The following ZC3HAV1 variants were observed in gnomAD, a reference collection of about 807,000 sequenced individuals.
ZC3HAV1 encodes the protein zinc finger CCCH-type containing, antiviral 1.
In ZC3HAV1, 41 loss-of-function variants were observed where a neutral mutation model predicts 86.6. That is an observed-to-expected ratio of 0.47 (90% CI 0.37 to 0.61). The LOEUF is 0.61. Ranked by LOEUF, ZC3HAV1 falls within the 20% of genes least tolerant of loss-of-function variation. The pLI, the probability that ZC3HAV1 is intolerant of heterozygous loss-of-function variation, is 0.00. For missense variants in ZC3HAV1, 964 were observed against 1,141.1 expected (o/e 0.84, Z 2.24); for synonymous variants, 421 against 432.1 (o/e 0.97, Z 0.32).
At chr7:139,101,835 T>G (rs1817782229) in intron 1 of ZC3HAV1, among the ~76,000 whole-genome samples, 1 of 151,776 alleles carries the variant, frequency 6.6e-6, no homozygotes, top group Non-Finnish European at 1.5e-5. Context: ...TCATCACCAC[T>G]CCCTAATCTC....
chr7:139,087,387 G>T (rs1584864387), intron 2 of ZC3HAV1, among the ~76,000 whole-genome samples: 1 of 151,290 alleles, frequency 6.6e-6, no homozygotes, highest in Admixed American at 6.6e-5. Flanking sequence ...GAAAGAGGGA[G>T]AGAGAGAGAG....
At chr7:139,053,866 AACT>A in intron 11 of ZC3HAV1, 96 bp downstream of exon 11, 1 of 1,401,320 alleles carries the variant, frequency 7.1e-7, no homozygotes, top group Non-Finnish European at 9.6e-7. Flanking sequence ...AGGAACTGTT[AACT>A]ACTAAAATAA....
chr7:139,099,354 C>A (rs545714025), intron 1 of ZC3HAV1, among the ~76,000 whole-genome samples: 1 of 152,302 alleles, frequency 6.6e-6, no homozygotes, highest in Admixed American at 6.5e-5. Flanking sequence ...AGGAAGATTT[C>A]TCCTAGATGA....
At chr7:139,105,959 AT>A (rs1236362708) in intron 1 of ZC3HAV1, among the ~76,000 whole-genome samples, 1 of 152,206 alleles carries the variant, frequency 6.6e-6, no homozygotes, top group Non-Finnish European at 1.5e-5. Context: ...CACTTTATAC[AT>A]TAATAGATTA....
intron 10 of ZC3HAV1, 104 bp downstream of exon 10, chr7:139,055,101 T>C (rs1213738830): frequency 1.9e-6 from 2 of 1,047,144 alleles, no homozygotes; most frequent in Non-Finnish European, 2.8e-6. Context: ...ATCTAAGAGT[T>C]TTGCGGGAGC....
intron 2 of ZC3HAV1, among the ~76,000 whole-genome samples, chr7:139,089,391 C>A (rs1286680062): frequency 6.6e-6 from 1 of 152,140 alleles, no homozygotes; most frequent in African/African-American, 2.4e-5. Flanking sequence ...TACTTACTCA[C>A]ACAGGGTTCC....
At chr7:139,106,657 T>A (rs560972136) in intron 1 of ZC3HAV1, among the ~76,000 whole-genome samples, 1 of 152,266 alleles carries the variant, frequency 6.6e-6, no homozygotes, top group East Asian at 1.9e-4. Context: ...TGTATCCTTT[T>A]CCCTGAAAAT....
chr7:139,074,487 G>A (rs1445153286), intron 6 of ZC3HAV1, among the ~76,000 whole-genome samples: 1 of 152,020 alleles, frequency 6.6e-6, no homozygotes, highest in Non-Finnish European at 1.5e-5. Context: ...AGGAATACAC[G>A]ATGAAATTTT....
intron 1 of ZC3HAV1, among the ~76,000 whole-genome samples, chr7:139,094,953 A>T (rs995497484): frequency 4.0e-5 from 6 of 151,818 alleles, no homozygotes; most frequent in Admixed American, 6.6e-5. Flanking sequence ...CTCAACAGTC[A>T]GACCAAAAAG....
chr7:139,076,427 G>T lies in ZC3HAV1; in HGVS notation c.1574-18C>A. ...GCAGCTACCTACAAAGACAAAGAAG[G>T]GGTCTGAGGGACTGTTGAGCAGGGA... On this transcript the variant is annotated intron_variant, in intron 5 of 12. Coordinates refer to ENST00000242351, the MANE Select transcript of ZC3HAV1 (RefSeq NM_020119.4). 6.2e-7 allele frequency: 1 copy of T among 1,613,596 alleles called. No individual in the cohort carries two copies. Among genetic ancestry groups the T allele is most frequent in the Non-Finnish European group, 8.5e-7 (1 of 1,179,842 alleles).
intron 1 of ZC3HAV1, among the ~76,000 whole-genome samples, chr7:139,103,860 T>G (rs750897869): frequency 6.6e-6 from 1 of 152,182 alleles, no homozygotes; most frequent in Non-Finnish European, 1.5e-5. Context: ...AAACACAGCA[T>G]TGAATAAAAA....
At position 139,047,441 on chromosome 7, in the gene ZC3HAV1, A is replaced by G. The variant is rs758275503; in HGVS notation, c.*153T>C. 1.3e-5 allele frequency: 13 copies of G among 1,033,346 alleles called. No homozygotes were observed. Among genetic ancestry groups the G allele is most frequent in the Non-Finnish European group, 1.7e-5 (12 of 715,816 alleles). 64.0% of individuals were successfully genotyped at this position (1,033,346 alleles called of 1,614,324 possible). A position where few individuals can be genotyped will look rare whatever the true frequency, so the allele number is the denominator to read the frequency against. On this transcript the variant is annotated 3_prime_UTR_variant, in exon 13 of 13. Coordinates refer to ENST00000242351, the MANE Select transcript of ZC3HAV1 (RefSeq NM_020119.4). ...GAATTTGTTTAAAACCTCCCAGATG[A>G]TTCTAATATGTAGCAAAATTTGGGG...
chr7:139,109,651 G>A lies in ZC3HAV1; in HGVS notation c.-320C>T. 3.6e-6 allele frequency: 1 copy of A among 279,998 alleles called. No homozygotes were observed. Among genetic ancestry groups the A allele is most frequent in the Non-Finnish European group, 6.7e-6 (1 of 148,468 alleles). 17.3% of individuals were successfully genotyped at this position (279,998 alleles called of 1,614,324 possible). A position where few individuals can be genotyped will look rare whatever the true frequency, so the allele number is the denominator to read the frequency against. On this transcript the variant is annotated 5_prime_UTR_variant, in exon 1 of 13. Transcript: ENST00000242351. ...CTGGGGTGGCCCCCTCTCGGTTCTA[G>A]GCTCGGCGAGGGTGAGGTTCTCCAG... is the stretch of plus-strand genomic sequence containing the variant.
chr7:139,083,920 T>G lies in ZC3HAV1; in HGVS notation c.557A>C (p.Asn186Thr), dbSNP rs752393493. ...CATCAGGTTATGGGACCGGAGGCAG[T>G]TGGGAAAACGACAGTTCCCTCGGGT... ...HFTRGNCRFP[N>T]CLRSHNLMDR... Residue 186 changes from asparagine to threonine, a missense_variant, in exon 3 of 13, where the codon AAC becomes ACC. Asn to Thr is a moderately conservative substitution (Grantham distance 65, BLOSUM62 0). Transcript: ENST00000242351. The G allele has an allele frequency of 6.2e-7, 1 of 1,614,060 alleles. No individual in the cohort carries two copies. The highest frequency in any genetic ancestry group is 8.5e-7 in the Non-Finnish European group (1 of 1,180,020).
intron 1 of ZC3HAV1, among the ~76,000 whole-genome samples, chr7:139,108,000 A>G (rs545507153): frequency 6.6e-6 from 1 of 152,282 alleles, no homozygotes; most frequent in East Asian, 1.9e-4. Flanking sequence ...AGGGAAAGAG[A>G]CTTCACAAAA....
chr7:139,064,775 T>A, intron 8 of ZC3HAV1, 104 bp downstream of exon 8: 1 of 1,569,350 alleles, frequency 6.4e-7, no homozygotes, highest in South Asian at 1.2e-5. Context: ...AATCTTGACC[T>A]TGACCCTGGC....
rs1815979759 is a variant in ZC3HAV1, at chr7:139,047,191, C to T, written c.*403G>A. On this transcript the variant is annotated 3_prime_UTR_variant, in exon 13 of 13. Transcript: ENST00000242351. ...AAAAATACAAAAAATTAGCTGGGCG[C>T]GGCAGTGTGTGCCTGTAGTTCCAGC... The T allele has an allele frequency of 2.7e-5, 6 of 221,924 alleles. No individual in the cohort carries two copies. In the South Asian group the frequency reaches 2.8e-4, roughly 10 times the overall value. 13.7% of individuals were successfully genotyped at this position (221,924 alleles called of 1,614,324 possible). A position where few individuals can be genotyped will look rare whatever the true frequency, so the allele number is the denominator to read the frequency against.
At chr7:139,097,618 TA>T (rs1472402283) in intron 1 of ZC3HAV1, among the ~76,000 whole-genome samples, 1 of 150,474 alleles carries the variant, frequency 6.6e-6, no homozygotes, top group African/African-American at 2.5e-5. Flanking sequence ...GTATTTTTAG[TA>T]GAGACGGGGT....
intron 1 of ZC3HAV1, among the ~76,000 whole-genome samples, chr7:139,106,348 C>T (rs1817935416): frequency 6.6e-6 from 1 of 152,240 alleles, no homozygotes; most frequent in Middle Eastern, 3.2e-3. Context: ...GGCAGTGGCT[C>T]AGGCCTGTAA....
Sources: gnomAD v4.1 joint callset for allele counts (sites outside exome capture counted in the v4.1 genomes callset) on GRCh38, gnomAD v4.1.1 for gene constraint, MANE v1.5 for transcripts, NCBI Gene and HGNC (gene_info 2026-07-23, HGNC 2026-07-21) for gene names.